The following AGBL3 variants were observed in gnomAD, a reference collection of about 807,000 sequenced individuals.
AGBL3 encodes AGBL carboxypeptidase 3.
A neutral mutation model predicts 94.5 loss-of-function variants in AGBL3; 68 were observed. That is an observed-to-expected ratio of 0.72 (90% confidence interval 0.59 to 0.88). The LOEUF (loss-of-function observed/expected upper bound fraction) is 0.88. Among genes scored for constraint, AGBL3 ranks in the 40% least tolerant of loss-of-function variants. AGBL3 has a pLI of 0.00. For missense variants in AGBL3, 934 were observed against 1,103.8 expected, an observed-to-expected ratio of 0.85 and a Z score of 2.18; for synonymous variants, 354 against 370.7, an observed-to-expected ratio of 0.95 and a Z score of 0.52.
At chr7:135,000,763 C>T (rs935118716) in intron 4 of AGBL3, among the ~76,000 whole-genome samples, 12 of 152,180 alleles carry the variant, frequency 7.9e-5, no homozygotes, top group African/African-American at 2.9e-4. Flanking sequence ...GTATATCTTA[C>T]AGCTGCATCC....
chr7:135,026,350 T>G (rs1184597634), intron 5 of AGBL3, among the ~76,000 whole-genome samples: 5 of 150,100 alleles, frequency 3.3e-5, no homozygotes, highest in Non-Finnish European at 7.4e-5. Context: ...TCTTGGCTCA[T>G]TGCAACCTCC....
intron 5 of AGBL3, among the ~76,000 whole-genome samples, chr7:135,022,332 T>A (rs1814594223): frequency 6.6e-6 from 1 of 152,200 alleles, no homozygotes; most frequent in Non-Finnish European, 1.5e-5. Flanking sequence ...GCATCTGTTG[T>A]TTCTTGACTT....
In AGBL3 at chr7:135,068,492, C is replaced by T. The variant is rs1316747333; in HGVS notation, c.1909-7905C>T. Among the ~76,000 whole-genome samples, 4 of 152,256 alleles carry T rather than the reference C, an allele frequency of 2.6e-5. No individual in the cohort carries two copies. The East Asian group carries it at 5.8e-4, about 22-fold the overall frequency. ...GTTAAGGGCAGCCAGAGAGAAAGGTCGGGTTACCCACAAAGGGAAGCCCAT... is the reference window on the plus strand; with the variant it reads ...GTTAAGGGCAGCCAGAGAGAAAGGTTGGGTTACCCACAAAGGGAAGCCCAT... On this transcript the variant is annotated intron_variant, in intron 12 of 16. Transcript: ENST00000436302.
intron 3 of AGBL3, among the ~76,000 whole-genome samples, chr7:134,991,957 A>C (rs1810339971): frequency 6.6e-6 from 1 of 152,236 alleles, no homozygotes; most frequent in South Asian, 2.1e-4. Context: ...TGCTTCTCTA[A>C]GTATTAACTC....
chr7:135,060,698 G>A (rs1426117710), intron 12 of AGBL3, among the ~76,000 whole-genome samples: 2 of 151,936 alleles, frequency 1.3e-5, no homozygotes, highest in African/African-American at 2.4e-5. Flanking sequence ...TGTCCTCCAC[G>A]TTCATCTATA....
chr7:135,039,048 C>G (rs1470582884), intron 8 of AGBL3, among the ~76,000 whole-genome samples: 1 of 152,056 alleles, frequency 6.6e-6, no homozygotes, highest in Non-Finnish European at 1.5e-5. Context: ...GGTAGATAGA[C>G]AGTAGGCAAG....
At chr7:135,028,500 T>G (rs1815392093) in intron 5 of AGBL3, among the ~76,000 whole-genome samples, 1 of 152,226 alleles carries the variant, frequency 6.6e-6, no homozygotes, top group South Asian at 2.1e-4. Flanking sequence ...AATTCAAGTT[T>G]TATTATGGGA....
chr7:135,080,030 G>A (rs1348879466), intron 13 of AGBL3, among the ~76,000 whole-genome samples, 173 bp from the exon 14 acceptor site: 5 of 151,906 alleles, frequency 3.3e-5, no homozygotes, highest in Admixed American at 3.3e-4. Context: ...AGTAGCGTAG[G>A]GAAAAATATT....
chr7:135,119,597 G>T (rs912903036), intron 16 of AGBL3, among the ~76,000 whole-genome samples: 4 of 151,794 alleles, frequency 2.6e-5, no homozygotes, highest in Non-Finnish European at 5.9e-5. Flanking sequence ...AGTCAGAGAG[G>T]CTGGGCACAG....
At chr7:135,109,136 C>T (rs921233689) in intron 15 of AGBL3, among the ~76,000 whole-genome samples, 1 of 152,160 alleles carries the variant, frequency 6.6e-6, no homozygotes, top group African/African-American at 2.4e-5. Context: ...TGCCATTCTC[C>T]TGAATTTTGA....
chr7:135,081,468 C>T (rs1233346755), intron 14 of AGBL3, among the ~76,000 whole-genome samples: 1 of 151,980 alleles, frequency 6.6e-6, no homozygotes, highest in African/African-American at 2.4e-5. Flanking sequence ...TTATAACTGT[C>T]TATTTGTGTG....
intron 4 of AGBL3, among the ~76,000 whole-genome samples, chr7:135,002,371 A>C (rs1222507288): frequency 2.6e-5 from 4 of 152,060 alleles, no homozygotes. Flanking sequence ...GTGAGATAAC[A>C]CTCATGAAGT....
chr7:135,088,550 ATTTC>A (rs1821517173), intron 15 of AGBL3, among the ~76,000 whole-genome samples: 1 of 152,260 alleles, frequency 6.6e-6, no homozygotes, highest in African/African-American at 2.4e-5. Flanking sequence ...TCCCTAGATT[ATTTC>A]TTGTAAGACC....
intron 8 of AGBL3, among the ~76,000 whole-genome samples, chr7:135,042,892 A>T (rs1353402720): frequency 2.0e-5 from 3 of 152,182 alleles, no homozygotes; most frequent in African/African-American, 7.2e-5. Context: ...AGCCTGGGTG[A>T]CAGAGAGAGA....
intron 15 of AGBL3, among the ~76,000 whole-genome samples, chr7:135,086,152 G>A (rs890446398): frequency 5.3e-5 from 8 of 152,030 alleles, no homozygotes; most frequent in South Asian, 2.1e-4. Flanking sequence ...TTGGGGTATA[G>A]AAATACCACT....
At chr7:135,099,689 A>G (rs1266117330) in intron 15 of AGBL3, among the ~76,000 whole-genome samples, 1 of 152,092 alleles carries the variant, frequency 6.6e-6, no homozygotes, top group African/African-American at 2.4e-5. Flanking sequence ...TTGGATAACC[A>G]TTGCTAATCA....
At chr7:135,051,906 A>T (rs1490711754) in intron 11 of AGBL3, among the ~76,000 whole-genome samples, 1 of 152,070 alleles carries the variant, frequency 6.6e-6, no homozygotes, top group Non-Finnish European at 1.5e-5. Context: ...TTTTAAAAGG[A>T]AAGAGATTAT....
chr7:135,115,522 G>T lies in AGBL3; in HGVS notation c.2253G>T (p.Leu751Phe). The T allele has an allele frequency of 6.4e-7, 1 of 1,551,482 alleles. No individual in the cohort carries two copies. Among genetic ancestry groups the T allele is most frequent in the South Asian group, 1.2e-5 (1 of 84,056 alleles). ...AAACTCAAGAAATATTGCAGTATTT[G>T]CTCCCCATCGTGCATAGCACTAAAA... The part of the protein sequence containing the change: ...IVQTQEILQY[L>F]LPIVHSTKNM... The change falls in exon 16 of 17, where the codon TTG becomes TTT. Residue 751 changes from leucine (L) to phenylalanine (F), a missense_variant. By Grantham distance (22) the Leu-to-Phe change is conservative (BLOSUM62 0). Transcript: ENST00000436302.
At chr7:134,990,727 A>G (rs1181275677) in intron 3 of AGBL3, among the ~76,000 whole-genome samples, 1 of 152,200 alleles carries the variant, frequency 6.6e-6, no homozygotes, top group Non-Finnish European at 1.5e-5. Context: ...TTCGCCAATA[A>G]TTCTTAGGTT....
Sources: gnomAD v4.1 joint callset for allele counts (sites outside exome capture counted in the v4.1 genomes callset) on GRCh38, gnomAD v4.1.1 for gene constraint, MANE v1.5 for transcripts, NCBI Gene and HGNC (gene_info 2026-07-23, HGNC 2026-07-21) for gene names.